The following XXYLT1 variants were observed in gnomAD, a reference collection of about 807,000 sequenced individuals.
XXYLT1 encodes the protein UDP-xylose:alpha-xyloside alpha-1,3-xylosyltransferase.
In XXYLT1, 20 loss-of-function variants were observed where a neutral mutation model predicts 28.9. The observed-to-expected ratio is 0.69, with a 90% CI of 0.49 to 1.00. The LOEUF (loss-of-function observed/expected upper bound fraction) is 1.00, where lower values mean the gene tolerates loss of function less well. XXYLT1 is among the 50% of genes least tolerant of loss of function. XXYLT1 has a pLI of 0.00. For synonymous variants in XXYLT1, 257 were observed against 253.8 expected (o/e 1.01, Z -0.12); for missense variants, 542 against 560.1 (o/e 0.97, Z 0.33).
intron 3 of XXYLT1, chr3:195,122,334 C>T (rs1027433869): frequency 3.5e-5 from 21 of 601,728 alleles, no homozygotes; most frequent in African/African-American, 2.8e-4. Context: ...AGGTTAAAAA[C>T]GCAGATGGGA....
At chr3:195,151,932 T>C (rs1720291545) in intron 3 of XXYLT1, among the ~76,000 whole-genome samples, 1 of 152,010 alleles carries the variant, frequency 6.6e-6, no homozygotes, top group African/African-American at 2.4e-5. Context: ...TTAATGAGGG[T>C]CTCTCTCACA....
chr3:195,079,844 C>A (rs1015704553), intron 3 of XXYLT1, among the ~76,000 whole-genome samples: 1 of 152,048 alleles, frequency 6.6e-6, no homozygotes, highest in African/African-American at 2.4e-5. Flanking sequence ...GTAATACAAT[C>A]GGGAATGAAT....
intron 3 of XXYLT1, among the ~76,000 whole-genome samples, chr3:195,151,931 GTCTC>G (rs1720291723): frequency 6.6e-6 from 1 of 152,088 alleles, no homozygotes. Flanking sequence ...TTTAATGAGG[GTCTC>G]TCTCACAACA....
chr3:195,082,679 T>C (rs935706610), intron 3 of XXYLT1, among the ~76,000 whole-genome samples: 2 of 151,828 alleles, frequency 1.3e-5, no homozygotes, highest in Non-Finnish European at 2.9e-5. Flanking sequence ...ATGGCGAAAC[T>C]CCAACTCAAC....
intron 2 of XXYLT1, among the ~76,000 whole-genome samples, chr3:195,200,519 C>T (rs1345314602): frequency 2.0e-5 from 3 of 152,186 alleles, no homozygotes; most frequent in African/African-American, 7.2e-5. Context: ...AAAAGACATG[C>T]AACAGGACAT....
chr3:195,094,245 G>A (rs1326171982), intron 3 of XXYLT1: 1 of 152,864 alleles, frequency 6.5e-6, no homozygotes, highest in Non-Finnish European at 1.5e-5. Flanking sequence ...GAGGCCCCAA[G>A]GAGGCCCCAC....
intron 3 of XXYLT1, among the ~76,000 whole-genome samples, chr3:195,134,884 C>CGCGCGCGT (rs1719111963): frequency 1.5e-5 from 1 of 66,808 alleles, no homozygotes; most frequent in African/African-American, 7.6e-5. Context: ...TGCGCGCGTG[C>CGCGCGCGT]GCGCACGTGC....
At position 195,226,794 on chromosome 3, in the gene XXYLT1, C is replaced by T; in HGVS notation, c.567G>A (p.Gln189=). The change falls in exon 2 of 4, where the codon CAG becomes CAA. Residue 189 remains glutamine, a synonymous_variant. Transcript: ENST00000310380. The stretch of plus-strand genomic sequence containing the variant: ...TTCCCAAGCCAGCACTGAAGTGCTT[C>T]TGCATGGCCTCCACGATGGGGAAGA... ...DKLFPIVEAM[Q]KHFSAGLGTY... The T allele has an allele frequency of 6.2e-7, 1 of 1,613,850 alleles. No homozygotes were observed. Among genetic ancestry groups the T allele is most frequent in the Non-Finnish European group, 8.5e-7 (1 of 1,179,980 alleles).
chr3:195,186,188 C>G (rs140598489), intron 2 of XXYLT1, among the ~76,000 whole-genome samples: 2 of 152,352 alleles, frequency 1.3e-5, no homozygotes, highest in East Asian at 3.9e-4. Context: ...TCCCTCACCA[C>G]AACCCAACAA....
At chr3:195,106,879 C>A (rs1473971210) in intron 3 of XXYLT1, among the ~76,000 whole-genome samples, 2 of 84,994 alleles carry the variant, frequency 2.4e-5, no homozygotes, top group African/African-American at 1.0e-4. Context: ...CTCCAAAACA[C>A]CCCCTAGAGG....
At chr3:195,189,562 C>G (rs1259931571) in intron 2 of XXYLT1, among the ~76,000 whole-genome samples, 1 of 152,058 alleles carries the variant, frequency 6.6e-6, no homozygotes, top group Non-Finnish European at 1.5e-5. Context: ...AGTTCAATAA[C>G]TGAAATGAAA....
intron 1 of XXYLT1, among the ~76,000 whole-genome samples, chr3:195,266,774 C>A (rs1377261387): frequency 2.0e-5 from 3 of 152,168 alleles, no homozygotes; most frequent in South Asian, 4.1e-4. Flanking sequence ...CAAATACAGA[C>A]TTCCAGGCCC....
rs1036606113 is a variant in XXYLT1, at chr3:195,124,479, C to T, written c.785+31970G>A. ...GCCTGGCACAGAATAACTTTGTTTT[C>T]CCCTGATAATTTGTCTAGTGTTTCT... is the stretch of plus-strand genomic sequence containing the variant. On this transcript the variant is annotated intron_variant, in intron 3 of 3. Transcript: ENST00000310380. The surrounding 1 kb of genome is among the most constrained non-coding windows in gnomAD (Gnocchi z 4.1). Among the ~76,000 whole-genome samples the T allele has an allele frequency of 2.6e-5, 4 of 152,082 alleles. No individual in the cohort carries two copies. The highest frequency in any genetic ancestry group is 5.9e-5 in the Non-Finnish European group (4 of 68,020).
chr3:195,238,433 C>T (rs1304946066), intron 1 of XXYLT1, among the ~76,000 whole-genome samples: 2 of 152,234 alleles, frequency 1.3e-5, no homozygotes, highest in African/African-American at 4.8e-5. Flanking sequence ...CTCTGTTTCT[C>T]TATCGGCTGC....
chr3:195,223,304 G>A (rs921146999), intron 2 of XXYLT1, among the ~76,000 whole-genome samples: 1 of 152,102 alleles, frequency 6.6e-6, no homozygotes, highest in Admixed American at 6.6e-5. Context: ...AAGGGAAGGC[G>A]GGAGGAGAGC....
chr3:195,115,649 C>A lies in XXYLT1; in HGVS notation c.785+40800G>T, dbSNP rs1202736074. ...CAGCTATTTACAGGACGACTCCCTT[C>A]ATCTGGTGCGGAGCAGTAACCCCCT... On this transcript the variant is annotated intron_variant, in intron 3 of 3. Transcript: ENST00000310380. The surrounding 1 kb of genome is among the most constrained non-coding windows in gnomAD (Gnocchi z 4.2). Among the ~76,000 whole-genome samples the A allele has an allele frequency of 1.3e-5, 2 of 152,236 alleles. No homozygotes were observed. Among genetic ancestry groups the A allele is most frequent in the Non-Finnish European group, 2.9e-5 (2 of 68,036 alleles).
chr3:195,259,379 G>C (rs185617563), intron 1 of XXYLT1, among the ~76,000 whole-genome samples: 3 of 152,170 alleles, frequency 2.0e-5, no homozygotes, highest in Non-Finnish European at 4.4e-5. Flanking sequence ...TGTGGCTTGC[G>C]GGTAAGGCCC....
chr3:195,152,374 T>C (rs1369506824), intron 3 of XXYLT1: 1 of 152,576 alleles, frequency 6.6e-6, no homozygotes, highest in South Asian at 2.1e-4. Context: ...TGACGCTCCA[T>C]CCAAGATGAC....
At chr3:195,112,428 G>GCACA (rs375678793) in intron 3 of XXYLT1, among the ~76,000 whole-genome samples, 1 of 113,696 alleles carries the variant, frequency 8.8e-6, no homozygotes, top group Non-Finnish European at 2.1e-5. Context: ...ACACACACAT[G>GCACA]CACACACACG....
Sources: allele counts gnomAD v4.1 joint callset (sites outside exome capture counted in the v4.1 genomes callset), GRCh38; gene constraint gnomAD v4.1.1; non-coding constraint Gnocchi (gnomAD v3.1); transcripts MANE v1.5; gene names NCBI Gene and HGNC (gene_info 2026-07-23, HGNC 2026-07-21).